The following FSTL3 variants were observed in gnomAD, a reference collection of about 807,000 sequenced individuals.
FSTL3 encodes follistatin-related protein 3.
Under a neutral mutation model 28.1 loss-of-function variants are expected in FSTL3, and 21 were observed. That is an observed-to-expected ratio of 0.75 (90% CI 0.53 to 1.08). The LOEUF (loss-of-function observed/expected upper bound fraction) is 1.08, where lower values mean the gene tolerates loss of function less well. Ranked by LOEUF, FSTL3 falls within the 50% of genes least tolerant of loss-of-function variation. The pLI is 0.00. For synonymous variants in FSTL3, 199 were observed against 164.2 expected (o/e 1.21, Z -1.62); for missense variants, 400 against 380.9 (o/e 1.05, Z -0.42).
intron 2 of FSTL3, chr19:680,040 C>G (rs1194858323): frequency 3.8e-6 from 1 of 261,878 alleles, no homozygotes; most frequent in African/African-American, 2.3e-5. Context: ...GAGCCCAGCC[C>G]CCGCCCCCCA....
At chr19:679,750 C>A (rs528234893) in intron 2 of FSTL3, among the ~76,000 whole-genome samples, 1 of 152,224 alleles carries the variant, frequency 6.6e-6, no homozygotes, top group Non-Finnish European at 1.5e-5. Flanking sequence ...CTGTGGGGGG[C>A]CCCCTCCCCT....
chr19:677,100 C>T (rs1045096043), intron 1 of FSTL3, among the ~76,000 whole-genome samples: 1 of 152,194 alleles, frequency 6.6e-6, no homozygotes, highest in African/African-American at 2.4e-5. Flanking sequence ...AAGCTGGTCC[C>T]TGGCAGTGTC....
rs1008119558 is a variant in FSTL3, at chr19:676,607, G to A, written c.103+81G>A. 3.8e-4 allele frequency: 172 copies of A among 449,194 alleles called. No homozygotes were observed. In the East Asian group the frequency reaches 8.5e-3, roughly 22 times the overall value. The allele number at this position is 449,194 out of a possible 1,614,324, so 27.8% of individuals were successfully genotyped here. A position where few individuals can be genotyped will look rare whatever the true frequency, so the allele number is the denominator to read the frequency against. ...GGAATGCGGCCGGGGGGACGTCGGGGGGCGCGGCGGCGGCGGCGGGGGCGA... is the reference window on the plus strand; with the variant it reads ...GGAATGCGGCCGGGGGGACGTCGGGAGGCGCGGCGGCGGCGGCGGGGGCGA... On this transcript the variant is annotated intron_variant, in intron 1 of 4. Coordinates refer to ENST00000166139, the MANE Select transcript of FSTL3 (RefSeq NM_005860.3).
chr19:679,943 T>C (rs1467752530), intron 2 of FSTL3: 1 of 190,456 alleles, frequency 5.3e-6, no homozygotes, highest in Non-Finnish European at 1.1e-5. Context: ...GTCAGCCAGC[T>C]GCAAGGAGGA....
intron 1 of FSTL3, among the ~76,000 whole-genome samples, chr19:677,351 G>A (rs1184893823): frequency 1.3e-5 from 2 of 152,176 alleles, no homozygotes; most frequent in Admixed American, 1.3e-4. Flanking sequence ...CCAGGCGGTG[G>A]GGGGGCTGCC....
At chr19:679,317 C>T (rs557607423) in intron 2 of FSTL3, among the ~76,000 whole-genome samples, 1 of 152,328 alleles carries the variant, frequency 6.6e-6, no homozygotes, top group African/African-American at 2.4e-5. Flanking sequence ...GCCCACATGC[C>T]CTGCAAGGGC....
intron 2 of FSTL3, among the ~76,000 whole-genome samples, chr19:679,809 G>A (rs1377497228): frequency 6.6e-6 from 1 of 152,130 alleles, no homozygotes; most frequent in African/African-American, 2.4e-5. Context: ...CGCCCTCCCC[G>A]ACGCCTCCTG....
At position 680,411 on chromosome 19, in the gene FSTL3, C is replaced by G. The variant is rs1373630009; in HGVS notation, c.427C>G (p.Arg143Gly). 1.6e-6 allele frequency: 2 copies of G among 1,272,666 alleles called. No individual in the cohort carries two copies. The highest frequency in any genetic ancestry group is 2.0e-6 in the Non-Finnish European group (2 of 1,011,602). 78.8% of individuals were successfully genotyped at this position (1,272,666 alleles called of 1,614,324 possible). The change falls in exon 3 of 5, where the codon CGC becomes GGC. Residue 143 changes from arginine (R) to glycine (G), a missense_variant. Physicochemically the swap from Arg to Gly is moderately radical, Grantham distance 125. Transcript: ENST00000166139. The stretch of plus-strand genomic sequence containing the variant: ...CTGCGGCTCAGACGGCGCCACCTAC[C>G]GCGACGAGTGCGAGCTGCGCGCCGC... ...QVCGSDGATY[R>G]DECELRAARC...
chr19:681,767 T>C lies in FSTL3; in HGVS notation c.*59T>C. On this transcript the variant is annotated 3_prime_UTR_variant, in exon 5 of 5. Transcript: ENST00000166139. ...GCCCCCCATCATCCCCTGTTATTTA[T>C]TGCCACAGCAGAGTCTAATTTATAT... 5.0e-6 allele frequency: 7 copies of C among 1,396,320 alleles called. No homozygotes were observed. The highest frequency in any genetic ancestry group is 6.9e-6 in the Non-Finnish European group (7 of 1,008,572). 86.5% of individuals were successfully genotyped at this position (1,396,320 alleles called of 1,614,324 possible).
chr19:681,757 C>A lies in FSTL3; in HGVS notation c.*49C>A, dbSNP rs770562121. ...GGTGCCCGAGGCCCCCCATCATCCC[C>A]TGTTATTTATTGCCACAGCAGAGTC... On this transcript the variant is annotated 3_prime_UTR_variant, in exon 5 of 5. Transcript: ENST00000166139. 1.4e-6 allele frequency: 2 copies of A among 1,465,518 alleles called. No homozygotes were observed. Among genetic ancestry groups the A allele is most frequent in the Admixed American group, 3.9e-5 (2 of 50,912 alleles). The allele number at this position is 1,465,518 out of a possible 1,614,324, so 90.8% of individuals were successfully genotyped here.
In FSTL3 at chr19:682,164, T is replaced by G. The variant is rs1600661881; in HGVS notation, c.*456T>G. ...GTCTAGCCTGGGTGTGTACGGAGGGTCTAGCCTGGGTGAGTACGGAGGGTC... is the reference window on the plus strand; with the variant it reads ...GTCTAGCCTGGGTGTGTACGGAGGGGCTAGCCTGGGTGAGTACGGAGGGTC... On this transcript the variant is annotated 3_prime_UTR_variant, in exon 5 of 5. Coordinates refer to ENST00000166139, the MANE Select transcript of FSTL3 (RefSeq NM_005860.3). 3.0e-6 allele frequency: 1 copy of G among 338,080 alleles called. No individual in the cohort carries two copies. The highest frequency in any genetic ancestry group is 5.6e-6 in the Non-Finnish European group (1 of 178,662). The allele number at this position is 338,080 out of a possible 1,614,324, so 20.9% of individuals were successfully genotyped here.
chr19:679,674 C>T (rs1382090263), intron 2 of FSTL3, among the ~76,000 whole-genome samples: 1 of 152,220 alleles, frequency 6.6e-6, no homozygotes, highest in Non-Finnish European at 1.5e-5. Flanking sequence ...GCTTCCCTAG[C>T]AGGACCTCAA....
At chr19:681,208 G>T in intron 3 of FSTL3, 125 bp from the exon 4 acceptor site, 1 of 624,860 alleles carries the variant, frequency 1.6e-6, no homozygotes, top group Middle Eastern at 4.3e-4. Context: ...GGGGCGGGGG[G>T]GTGCTTGTGT....
At position 682,602 on chromosome 19, in the gene FSTL3, G is replaced by C. The variant is rs868466776; in HGVS notation, c.*894G>C. 1 of 233,386 alleles carries C rather than the reference G, an allele frequency of 4.3e-6. No homozygotes were observed. The highest frequency in any genetic ancestry group is 5.6e-5 in the Admixed American group (1 of 17,766). 14.5% of individuals were successfully genotyped at this position (233,386 alleles called of 1,614,324 possible). On this transcript the variant is annotated 3_prime_UTR_variant, in exon 5 of 5. Coordinates refer to ENST00000166139, the MANE Select transcript of FSTL3 (RefSeq NM_005860.3). ...TGTGAAGGCCATTGAGAAATGCCCA[G>C]TGTGCCCCCTGGGAAAGGGCACGGC...
chr19:678,457 C>CA lies in FSTL3; in HGVS notation c.289+481dup, dbSNP rs145872491. Among the ~76,000 whole-genome samples, 116 of 148,852 alleles carry CA rather than the reference C, an allele frequency of 7.8e-4. 2 individuals are homozygous for CA. The East Asian group carries it at 0.02, about 26-fold the overall frequency. On this transcript the variant is annotated intron_variant, in intron 2 of 4. Transcript: ENST00000166139. Reference sequence around the variant, plus strand: ...CTAGGGGCTCTTGGTTGGCGAGTGGCACAGAACGAATGAATAAGATTCTCC... The same window carrying CA: ...CTAGGGGCTCTTGGTTGGCGAGTGGCAACAGAACGAATGAATAAGATTCTCC...
intron 2 of FSTL3, 82 bp from the exon 3 acceptor site, chr19:680,192 G>A: frequency 2.3e-6 from 2 of 878,274 alleles, no homozygotes; most frequent in Non-Finnish European, 3.0e-6. Context: ...AGGGGCGCAG[G>A]GAGGGGCCCC....
In FSTL3 at chr19:681,501, G is replaced by A. The variant is rs928073841; in HGVS notation, c.674G>A (p.Arg225His). 2.5e-6 allele frequency: 4 copies of A among 1,605,118 alleles called. No individual in the cohort carries two copies. Among genetic ancestry groups the A allele is most frequent in the African/African-American group, 1.3e-5 (1 of 75,008 alleles). The change falls in exon 4 of 5, where the codon CGC becomes CAC. Residue 225 changes from arginine (R) to histidine (H), a missense_variant. Transcript: ENST00000166139. ...ACCTACATCTCCTCGTGCCACATGC[G>A]CCAGGCCACCTGCTTCCTGGGCCGC... ...NVTYISSCHM[R>H]QATCFLGRSI...
Position 681,890 on chromosome 19 carries a change from G to A in FSTL3, c.*182G>A. 1 of 638,916 alleles carries A rather than the reference G, an allele frequency of 1.6e-6. No individual in the cohort carries two copies. The highest frequency in any genetic ancestry group is 2.7e-6 in the Non-Finnish European group (1 of 364,064). The allele number at this position is 638,916 out of a possible 1,614,324, so 39.6% of individuals were successfully genotyped here. A position where few individuals can be genotyped will look rare whatever the true frequency, so the allele number is the denominator to read the frequency against. ...AGGACTGAGGAAGGGAGGCCTGGGG[G>A]CCGGCTGGTGGGTGGGATAGACCTG... On this transcript the variant is annotated 3_prime_UTR_variant, in exon 5 of 5. Coordinates refer to ENST00000166139, the MANE Select transcript of FSTL3 (RefSeq NM_005860.3).
chr19:677,391 C>T (rs939283484), intron 1 of FSTL3, among the ~76,000 whole-genome samples: 5 of 152,070 alleles, frequency 3.3e-5, no homozygotes, highest in Non-Finnish European at 7.4e-5. Flanking sequence ...CCCTCGCCCT[C>T]GGGTGCTGTC....
Sources: gnomAD v4.1 joint callset for allele counts (sites outside exome capture counted in the v4.1 genomes callset) on GRCh38, gnomAD v4.1.1 for gene constraint, MANE v1.5 for transcripts, NCBI Gene and HGNC (gene_info 2026-07-23, HGNC 2026-07-21) for gene names.